ATF7IP2: variants seen among roughly 807,000 people sequenced by gnomAD.
ATF7IP2 encodes the protein activating transcription factor 7-interacting protein 2.
Under a neutral mutation model 64.2 loss-of-function variants are expected in ATF7IP2, and 42 were observed. That is an observed-to-expected ratio of 0.65 (90% CI 0.51 to 0.85). ATF7IP2 has a LOEUF of 0.85. ATF7IP2 is among the 40% of genes least tolerant of loss of function. ATF7IP2 has a pLI of 0.00. For synonymous variants in ATF7IP2, 308 were observed against 272.8 expected (o/e 1.13, Z -1.27); for missense variants, 933 against 784.2 (o/e 1.19, Z -2.27).
intron 12 of ATF7IP2, among the ~76,000 whole-genome samples, chr16:10,477,830 A>G (rs1414844845): frequency 2.6e-5 from 4 of 152,122 alleles, no homozygotes; most frequent in African/African-American, 4.8e-5. Context: ...TCAATGTACA[A>G]AAATCACAAG....
chr16:10,457,580 A>G (rs1199072457), intron 9 of ATF7IP2, 51 bp downstream of exon 9: 7 of 1,336,766 alleles, frequency 5.2e-6, no homozygotes, highest in South Asian at 1.6e-5. Context: ...ATAATAATGA[A>G]TTTTTTCTTC....
Position 10,433,746 on chromosome 16 carries a change from C to T in ATF7IP2, c.960+97C>T, listed in dbSNP as rs902782007. 9.5e-6 allele frequency: 13 copies of T among 1,367,602 alleles called. No homozygotes were observed. The African/African-American group carries it at 1.3e-4, about 14-fold the overall frequency. The allele number at this position is 1,367,602 out of a possible 1,614,324, so 84.7% of individuals were successfully genotyped here. On this transcript the variant is annotated intron_variant, in intron 6 of 13. Transcript: ENST00000562102. ...CCCCACAGTGGCATAATACAGACGA[C>T]TTTCACTTGCTGCAGAGCTGGTGTG...
intron 2 of ATF7IP2, among the ~76,000 whole-genome samples, chr16:10,418,217 C>G (rs551388324): frequency 6.6e-6 from 1 of 152,352 alleles, no homozygotes; most frequent in East Asian, 1.9e-4. Flanking sequence ...GACACTCATG[C>G]TATTGTTTGT....
At chr16:10,423,719 T>C (rs1462185539) in intron 3 of ATF7IP2, among the ~76,000 whole-genome samples, 1 of 152,202 alleles carries the variant, frequency 6.6e-6, no homozygotes, top group African/African-American at 2.4e-5. Context: ...ACAAACCTGC[T>C]CTGTTACCTC....
intron 13 of ATF7IP2, among the ~76,000 whole-genome samples, chr16:10,481,363 TG>T (rs2050219192): frequency 5.4e-5 from 2 of 37,222 alleles, no homozygotes; most frequent in Non-Finnish European, 1.4e-4. Context: ...CCCGAGTAGC[TG>T]GGATTTCCCG....
chr16:10,392,140 AC>A (rs2047339509), intron 1 of ATF7IP2, among the ~76,000 whole-genome samples: 1 of 117,980 alleles, frequency 8.5e-6, no homozygotes, highest in Non-Finnish European at 1.7e-5. Flanking sequence ...TGCAACCCCC[AC>A]CCCCCAGGTT....
Position 10,482,261 on chromosome 16 carries a change from T to A in ATF7IP2, c.*12T>A. 1 of 1,532,560 alleles carries A rather than the reference T, an allele frequency of 6.5e-7. No homozygotes were observed. Among genetic ancestry groups the A allele is most frequent in the South Asian group, 1.2e-5 (1 of 81,390 alleles). The allele number at this position is 1,532,560 out of a possible 1,614,324, so 94.9% of individuals were successfully genotyped here. On this transcript the variant is annotated 3_prime_UTR_variant, in exon 14 of 14. Coordinates refer to ENST00000562102, the MANE Select transcript of ATF7IP2 (RefSeq NM_001393719.1). ...AAAATCTTACGTAAAAGGTGTTTAA[T>A]AATGATATACTACTTTTTTTTTCAT...
chr16:10,482,328 G>T lies in ATF7IP2; in HGVS notation c.*79G>T. 1 of 1,119,228 alleles carries T rather than the reference G, an allele frequency of 8.9e-7. No individual in the cohort carries two copies. Among genetic ancestry groups the T allele is most frequent in the Non-Finnish European group, 1.3e-6 (1 of 786,448 alleles). 69.3% of individuals were successfully genotyped at this position (1,119,228 alleles called of 1,614,324 possible). ...TGTTACTGTAATACTATTTGCCATTGTAAAAGGCCAGCTCAGATTGTGAGC... is the reference window on the plus strand; with the variant it reads ...TGTTACTGTAATACTATTTGCCATTTTAAAAGGCCAGCTCAGATTGTGAGC... On this transcript the variant is annotated 3_prime_UTR_variant, in exon 14 of 14. Coordinates refer to ENST00000562102, the MANE Select transcript of ATF7IP2 (RefSeq NM_001393719.1).
intron 3 of ATF7IP2, among the ~76,000 whole-genome samples, chr16:10,427,017 A>G (rs1374472503): frequency 6.6e-6 from 1 of 151,866 alleles, no homozygotes; most frequent in Non-Finnish European, 1.5e-5. Context: ...CACACCCAGC[A>G]AATTTTTGTA....
At chr16:10,452,669 G>T (rs534824183) in intron 8 of ATF7IP2, among the ~76,000 whole-genome samples, 2 of 152,318 alleles carry the variant, frequency 1.3e-5, no homozygotes, top group African/African-American at 2.4e-5. Flanking sequence ...TCTCTTCAGA[G>T]TCCTGTCCGG....
chr16:10,472,371 C>T (rs766546555), intron 10 of ATF7IP2, among the ~76,000 whole-genome samples, 188 bp downstream of exon 10: 8 of 152,030 alleles, frequency 5.3e-5, no homozygotes, highest in Non-Finnish European at 1.0e-4. Flanking sequence ...ATTGAGATTT[C>T]ATTTTAACCT....
intron 8 of ATF7IP2, among the ~76,000 whole-genome samples, chr16:10,455,394 C>A (rs901545897): frequency 3.9e-5 from 6 of 152,206 alleles, no homozygotes; most frequent in Non-Finnish European, 7.3e-5. Flanking sequence ...GAAACGCAGG[C>A]AGCCTCCAGA....
chr16:10,400,369 A>G (rs1351886956), intron 1 of ATF7IP2, among the ~76,000 whole-genome samples: 1 of 152,172 alleles, frequency 6.6e-6, no homozygotes, highest in Non-Finnish European at 1.5e-5. Flanking sequence ...CCTGAAACTT[A>G]GTTTGTTTAT....
Position 10,400,426 on chromosome 16 carries a change from A to C in ATF7IP2, c.-241-14148A>C, listed in dbSNP as rs190685697. On this transcript the variant is annotated intron_variant, in intron 1 of 13. Transcript: ENST00000562102. Reference sequence around the variant, plus strand: ...GAGTCTTCAGGATTTTCTATACATAAGATCATATATCATCAGCAAACAGAT... The same window carrying C: ...GAGTCTTCAGGATTTTCTATACATACGATCATATATCATCAGCAAACAGAT... Among the ~76,000 whole-genome samples the C allele has an allele frequency of 3.7e-4, 56 of 152,328 alleles. No individual in the cohort carries two copies. In the East Asian group the frequency reaches 0.011, roughly 29 times the overall value.
At chr16:10,397,883 C>A (rs1165427082) in intron 1 of ATF7IP2, among the ~76,000 whole-genome samples, 5 of 148,978 alleles carry the variant, frequency 3.4e-5, no homozygotes, top group Non-Finnish European at 7.4e-5. Context: ...AGGCAAAGGA[C>A]CTGAAGAGAT....
At chr16:10,440,054 G>A (rs1270030788) in intron 7 of ATF7IP2, among the ~76,000 whole-genome samples, 5 of 151,880 alleles carry the variant, frequency 3.3e-5, no homozygotes, top group African/African-American at 1.2e-4. Flanking sequence ...TAGCTACTTG[G>A]GAGGCTGAGG....
intron 8 of ATF7IP2, chr16:10,449,878 G>C (rs1413864114): frequency 6.6e-6 from 1 of 152,048 alleles, no homozygotes; most frequent in African/African-American, 2.4e-5. Flanking sequence ...TTTTGAATTT[G>C]TTTGCTCATG....
intron 1 of ATF7IP2, among the ~76,000 whole-genome samples, chr16:10,411,885 G>T (rs1286244590): frequency 7.7e-6 from 1 of 130,420 alleles, no homozygotes; most frequent in Non-Finnish European, 1.6e-5. Flanking sequence ...CTCCCATTTT[G>T]TTTCTAGTTG....
intron 8 of ATF7IP2, among the ~76,000 whole-genome samples, chr16:10,456,220 A>C (rs910455480): frequency 5.9e-5 from 9 of 152,218 alleles, no homozygotes; most frequent in Non-Finnish European, 1.2e-4. Context: ...AAATTGAAGA[A>C]GAAACAAACT....
Sources: allele counts gnomAD v4.1 joint callset (sites outside exome capture counted in the v4.1 genomes callset), GRCh38; gene constraint gnomAD v4.1.1; transcripts MANE v1.5; gene names NCBI Gene and HGNC (gene_info 2026-07-23, HGNC 2026-07-21).